Variants in SECISBP2 observed in about 807,000 individuals in gnomAD.
The protein encoded by SECISBP2 is selenocysteine insertion sequence-binding protein 2.
In SECISBP2, 96 loss-of-function variants were observed where a neutral mutation model predicts 98.2. That is an observed-to-expected ratio of 0.98 (90% CI 0.83 to 1.16). SECISBP2 has a LOEUF of 1.16. Ranked by LOEUF, SECISBP2 falls within the 50% of genes most tolerant of loss-of-function variation. SECISBP2 has a pLI of 0.00. For synonymous variants in SECISBP2, 407 were observed against 370.2 expected, an observed-to-expected ratio of 1.10 and a Z score of -1.14; for missense variants, 1,046 against 1,022.9, an observed-to-expected ratio of 1.02 and a Z score of -0.31.
At chr9:89,336,098 T>TTTTTTTTTTTTTTTTTTTTTC (rs1554720217) in intron 7 of SECISBP2, among the ~76,000 whole-genome samples, 1 of 138,616 alleles carries the variant, frequency 7.2e-6, no homozygotes, top group Non-Finnish European at 1.6e-5. Context: ...TTTTTTTTTT[T>TTTTTTTTTTTTTTTTTTTTTC]TTTTTTTTTT....
downstream of SECISBP2, chr9:89,364,311 CAT>C (rs776412465): frequency 9.5e-5 from 35 of 368,504 alleles, no homozygotes; most frequent in African/African-American, 2.3e-4. Flanking sequence ...CTGCCACACA[CAT>C]GTCCTGTGAC....
intron 14 of SECISBP2, chr9:89,354,827 T>A (rs919217200): frequency 9.0e-5 from 89 of 985,254 alleles, no homozygotes; most frequent in Non-Finnish European, 1.1e-4. Flanking sequence ...GCAGAGACCC[T>A]CCAGTGAGAG....
rs76834777 is a variant in SECISBP2, at chr9:89,337,869, G to A, written c.1090-589G>A. 6.9e-3 allele frequency among the ~76,000 whole-genome samples: 1,053 copies of A among 152,330 alleles called. 16 individuals are homozygous for A. The highest frequency in any genetic ancestry group is 0.024 in the African/African-American group (998 of 41,568). On this transcript the variant is annotated intron_variant, in intron 7 of 16. Transcript: ENST00000375807. ...GGGCAGTCCAAGGGTAGAAAGCAAC[G>A]GGTAGATGGAGATGAGGAGCAGCCC...
At chr9:89,337,807 T>C (rs1323817006) in intron 7 of SECISBP2, among the ~76,000 whole-genome samples, 1 of 152,310 alleles carries the variant, frequency 6.6e-6, no homozygotes, top group African/African-American at 2.4e-5. Context: ...ATGTAGGACA[T>C]GTCAGAGAGT....
At chr9:89,326,093 A>G in intron 4 of SECISBP2, 55 bp downstream of exon 4, 1 of 1,588,910 alleles carries the variant, frequency 6.3e-7, no homozygotes, top group Non-Finnish European at 8.6e-7. Context: ...TGCCCCAGAA[A>G]CATTCCTGCT....
chr9:89,348,579 G>A lies in SECISBP2; in HGVS notation c.1738+365G>A, dbSNP rs369329600. ...GACGTGGGGGCGTGAACACAATTGTGTGTTTTTAAGGAAACTTCATATTCA... is the reference window on the plus strand; with the variant it reads ...GACGTGGGGGCGTGAACACAATTGTATGTTTTTAAGGAAACTTCATATTCA... On this transcript the variant is annotated intron_variant, in intron 12 of 16. Coordinates refer to ENST00000375807, the MANE Select transcript of SECISBP2 (RefSeq NM_024077.5). 9.8e-5 allele frequency among the ~76,000 whole-genome samples: 15 copies of A among 152,362 alleles called. No homozygotes were observed. In the East Asian group the frequency reaches 2.7e-3, roughly 27 times the overall value.
chr9:89,358,644 C>A, intron 16 of SECISBP2, 77 bp from the exon 17 acceptor site: 2 of 960,674 alleles, frequency 2.1e-6, no homozygotes, highest in Middle Eastern at 2.1e-4. Flanking sequence ...CTCCCTCTCT[C>A]ATGCTGCTGG....
chr9:89,358,930 T>C lies in SECISBP2; in HGVS notation c.*106T>C. The C allele has an allele frequency of 1.3e-6, 1 of 756,554 alleles. No individual in the cohort carries two copies. The highest frequency in any genetic ancestry group is 2.3e-6 in the Non-Finnish European group (1 of 434,404). 46.9% of individuals were successfully genotyped at this position (756,554 alleles called of 1,614,324 possible). ...ATGACAATGTAATTTGTGTAACTGT[T>C]GAATCTGGAAATTGATCAGCATTAA... On this transcript the variant is annotated 3_prime_UTR_variant, in exon 17 of 17. Coordinates refer to ENST00000375807, the MANE Select transcript of SECISBP2 (RefSeq NM_024077.5).
chr9:89,362,277 A>G (rs1832816914), downstream of SECISBP2: 3 of 1,555,372 alleles, frequency 1.9e-6, no homozygotes, highest in Non-Finnish European at 1.8e-6. Flanking sequence ...GGCTGTGTTC[A>G]GAGCAGGCTT....
At chr9:89,361,589 A>G (rs1159955596), downstream of SECISBP2, 2 of 152,262 alleles carry the variant, frequency 1.3e-5, no homozygotes, top group African/African-American at 4.8e-5. Context: ...CAAAACACTC[A>G]TGAGACTCAT....
Position 89,332,748 on chromosome 9 carries a change from A to G in SECISBP2, c.802-160A>G, listed in dbSNP as rs1827964743. ...TGGTTAGTTTTGTAAGGAATTGCTAAACTATTAAATATCTCCCAAAGTGGC... is the reference window on the plus strand; with the variant it reads ...TGGTTAGTTTTGTAAGGAATTGCTAGACTATTAAATATCTCCCAAAGTGGC... On this transcript the variant is annotated intron_variant, in intron 5 of 16. Transcript: ENST00000375807. 7.5e-6 allele frequency: 5 copies of G among 666,784 alleles called. 1 individual carries two copies. In the Admixed American group the frequency reaches 1.2e-4, roughly 15 times the overall value. The allele number at this position is 666,784 out of a possible 1,614,324, so 41.3% of individuals were successfully genotyped here.
chr9:89,363,309 G>C (rs1175612731), downstream of SECISBP2: 2 of 1,427,696 alleles, frequency 1.4e-6, no homozygotes, highest in Admixed American at 4.7e-5. Context: ...AACTGCTCCG[G>C]GGCTAAGAGG....
chr9:89,344,792 C>T (rs1297337803), intron 10 of SECISBP2, among the ~76,000 whole-genome samples: 1 of 152,088 alleles, frequency 6.6e-6, no homozygotes, highest in Non-Finnish European at 1.5e-5. Context: ...CATTTTCTTC[C>T]TCCCCCTTTA....
downstream of SECISBP2, chr9:89,364,017 G>T (rs45544232): frequency 0.062 from 100,379 of 1,612,968 alleles, 3,562 homozygotes; most frequent in Middle Eastern, 0.099. Flanking sequence ...CCCCATGAGG[G>T]TGCAGGGGGG....
intron 6 of SECISBP2, chr9:89,334,075 C>T: frequency 8.9e-7 from 1 of 1,119,410 alleles, no homozygotes; most frequent in South Asian, 2.2e-5. Context: ...TGCCTCTGTT[C>T]TAAAAGAAAT....
intron 1 of SECISBP2, among the ~76,000 whole-genome samples, chr9:89,319,428 G>A (rs1316912140): frequency 6.6e-6 from 1 of 151,806 alleles, no homozygotes; most frequent in Non-Finnish European, 1.5e-5. Context: ...TGAATTCGTT[G>A]TCATTTTTCA....
downstream of SECISBP2, chr9:89,363,381 C>A: frequency 6.3e-7 from 1 of 1,599,112 alleles, no homozygotes. Context: ...GGCAGGTGCC[C>A]TGCCCCTGGC....
intron 6 of SECISBP2, among the ~76,000 whole-genome samples, chr9:89,333,198 T>C: frequency 6.6e-6 from 1 of 152,218 alleles, no homozygotes. Flanking sequence ...ACAAGAATTC[T>C]AAATGAAGTA....
chr9:89,363,809 T>C, downstream of SECISBP2: 1 of 1,614,082 alleles, frequency 6.2e-7, no homozygotes, highest in Non-Finnish European at 8.5e-7. Flanking sequence ...AGAGCAGCGA[T>C]ACTCAGCGCT....
Sources: allele counts gnomAD v4.1 joint callset (sites outside exome capture counted in the v4.1 genomes callset), GRCh38; gene constraint gnomAD v4.1.1; transcripts MANE v1.5; gene names NCBI Gene and HGNC (gene_info 2026-07-23, HGNC 2026-07-21).